NUP153: variants seen among roughly 807,000 people sequenced by gnomAD.
NUP153 encodes the protein nuclear pore complex protein Nup153.
A neutral mutation model predicts 134.6 loss-of-function variants in NUP153; 27 were observed. That is an observed-to-expected ratio of 0.20 (90% CI 0.15 to 0.28). The LOEUF (loss-of-function observed/expected upper bound fraction) is 0.28. Ranked by LOEUF, NUP153 falls within the 10% of genes least tolerant of loss-of-function variation. The probability of loss-of-function intolerance (pLI) is 1.00; values close to 1 mark genes in which losing one functional copy is unlikely to be tolerated. For missense variants in NUP153, 1,821 were observed against 1,731.3 expected (o/e 1.05, Z -0.92); for synonymous variants, 640 against 623.5 (o/e 1.03, Z -0.40).
intron 11 of NUP153, among the ~76,000 whole-genome samples, chr6:17,653,950 G>A (rs1177830068): frequency 1.3e-5 from 2 of 152,172 alleles, no homozygotes; most frequent in South Asian, 2.1e-4. Flanking sequence ...GTATGCTGAC[G>A]TATTTGGGGG....
Position 17,637,782 on chromosome 6 carries a change from G to C in NUP153, c.1847-12C>G. 1 of 1,583,654 alleles carries C rather than the reference G, an allele frequency of 6.3e-7. No homozygotes were observed. Among genetic ancestry groups the C allele is most frequent in the South Asian group, 1.1e-5 (1 of 89,292 alleles). On this transcript the variant is annotated splice_polypyrimidine_tract_variant and intron_variant, in intron 15 of 21. Coordinates refer to ENST00000262077, the MANE Select transcript of NUP153 (RefSeq NM_005124.4). Reference sequence around the variant, plus strand: ...CGGCGATGCGAAACCTACAATGAACGAAGGAGAGAGTGCAACGTTAGAGAA... The same window carrying C: ...CGGCGATGCGAAACCTACAATGAACCAAGGAGAGAGTGCAACGTTAGAGAA...
At chr6:17,689,974 C>A (rs1055897510) in intron 1 of NUP153, among the ~76,000 whole-genome samples, 3 of 152,108 alleles carry the variant, frequency 2.0e-5, no homozygotes, top group African/African-American at 7.2e-5. Context: ...ACTTTATGAA[C>A]TAATATCCCC....
At position 17,661,655 on chromosome 6, in the gene NUP153, C is replaced by A; in HGVS notation, c.1393G>T (p.Glu465Ter). 6.2e-7 allele frequency: 1 copy of A among 1,613,462 alleles called. No individual in the cohort carries two copies. The highest frequency in any genetic ancestry group is 1.1e-5 in the South Asian group (1 of 91,002). ...RFVASKPLEE[E>*]EMEVPVLPKI... ...AGTATATGAGTATACAACCCTACCT[C>A]CTCCTCCAGAGGTTTAGAAGCAACA... is the stretch of plus-strand genomic sequence containing the variant. Residue 465 changes from glutamate (E) to a stop codon, truncating the protein, a stop_gained and splice_region_variant, in exon 11 of 22, where the codon GAG becomes TAG. Transcript: ENST00000262077. LOFTEE classifies it high-confidence loss of function.
rs1462933333 is a variant in NUP153 at position 17,646,090 on chromosome 6, A to G, written c.1697T>C (p.Leu566Ser). 6.3e-7 allele frequency: 1 copy of G among 1,586,478 alleles called. No individual in the cohort carries two copies. The highest frequency in any genetic ancestry group is 1.3e-5 in the African/African-American group (1 of 74,446). Reference sequence around the variant, plus strand: ...ACCTGAACTACTTATAATTGGTTCTAAAGTACTACTAGAACCAGAAAGTTC... The same window carrying G: ...ACCTGAACTACTTATAATTGGTTCTGAAGTACTACTAGAACCAGAAAGTTC... ...TAELSGSSST[L>S]EPIISSSAHH... Residue 566 changes from leucine (L) to serine (S), a missense_variant, in exon 14 of 22, where the codon TTA becomes TCA. Transcript: ENST00000262077.
At chr6:17,630,703 G>T (rs192664001) in intron 17 of NUP153, among the ~76,000 whole-genome samples, 5 of 148,180 alleles carry the variant, frequency 3.4e-5, no homozygotes, top group African/African-American at 1.3e-4. Context: ...CAGAGGAGAC[G>T]GGAGACGAGA....
chr6:17,672,855 A>G (rs550823940), intron 5 of NUP153, among the ~76,000 whole-genome samples: 14 of 152,250 alleles, frequency 9.2e-5, no homozygotes, highest in African/African-American at 3.4e-4. Context: ...AATAAAATGA[A>G]CCTTGACCAA....
chr6:17,639,908 A>C, intron 15 of NUP153, 31 bp downstream of exon 15: 1 of 1,574,724 alleles, frequency 6.4e-7, no homozygotes, highest in South Asian at 1.2e-5. Flanking sequence ...ATGAGTTTGT[A>C]ATCAAAAGGC....
intron 20 of NUP153, among the ~76,000 whole-genome samples, chr6:17,618,525 C>T (rs1225762388): frequency 1.3e-5 from 2 of 150,236 alleles, no homozygotes; most frequent in African/African-American, 2.4e-5. Flanking sequence ...AAAAAGAATA[C>T]TTAGAAATTA....
chr6:17,616,290 G>GGGGGGGGGGCCC, intron 21 of NUP153, 109 bp from the exon 22 acceptor site: 2 of 473,870 alleles, frequency 4.2e-6, no homozygotes, highest in East Asian at 4.5e-5. Flanking sequence ...GGTGGGGGGG[G>GGGGGGGGGGCCC]AGTAGACTCA....
At position 17,624,442 on chromosome 6, in the gene NUP153, C is replaced by G. The variant is rs972763443; in HGVS notation, c.4174+119G>C. 10 of 948,226 alleles carry G rather than the reference C, an allele frequency of 1.1e-5. No homozygotes were observed. The Admixed American group carries it at 2.5e-4, about 24-fold the overall frequency. The allele number at this position is 948,226 out of a possible 1,614,324, so 58.7% of individuals were successfully genotyped here. On this transcript the variant is annotated intron_variant, in intron 20 of 21. Coordinates refer to ENST00000262077, the MANE Select transcript of NUP153 (RefSeq NM_005124.4). ...AATCCAACCATATTACCTCTCTATT[C>G]TGCCAAGTACAAGAGATAATTTTAA...
At position 17,632,846 on chromosome 6, in the gene NUP153, T is replaced by TGAAAAA; in HGVS notation, c.2465-3_2465-2insTTTTTC. ...TACTTGAAGCAGGTACTGAACTTCC[T>TGAAAAA]AAAAAAAAAAAAAAAAACGGGGAGT... On this transcript the variant is annotated splice_polypyrimidine_tract_variant and splice_region_variant and intron_variant, in intron 16 of 21. Coordinates refer to ENST00000262077, the MANE Select transcript of NUP153 (RefSeq NM_005124.4). The TGAAAAA allele has an allele frequency of 2.3e-6, 2 of 864,580 alleles. No homozygotes were observed. Among genetic ancestry groups the TGAAAAA allele is most frequent in the East Asian group, 3.4e-5 (1 of 29,302 alleles). 53.6% of individuals were successfully genotyped at this position (864,580 alleles called of 1,614,324 possible).
intron 2 of NUP153, among the ~76,000 whole-genome samples, chr6:17,685,302 C>CT (rs1279495090): frequency 6.6e-5 from 10 of 152,138 alleles, no homozygotes; most frequent in Non-Finnish European, 2.9e-5. Context: ...AATCCCAACA[C>CT]TTTGGGAGGC....
chr6:17,620,174 A>G (rs1764575960), intron 20 of NUP153, among the ~76,000 whole-genome samples: 1 of 151,874 alleles, frequency 6.6e-6, no homozygotes, highest in African/African-American at 2.4e-5. Context: ...CAGGAGTCCA[A>G]ATAGCTAAAG....
intron 2 of NUP153, among the ~76,000 whole-genome samples, chr6:17,678,354 A>C (rs1037056763): frequency 0.01 from 1,075 of 104,674 alleles, 2 homozygotes; most frequent in Middle Eastern, 0.02. Context: ...CTCTGTCTCA[A>C]AAAAAAAAAA....
intron 1 of NUP153, among the ~76,000 whole-genome samples, chr6:17,703,680 C>A (rs574786815): frequency 6.6e-6 from 1 of 150,958 alleles, no homozygotes; most frequent in Admixed American, 6.6e-5. Flanking sequence ...GGAGAGTATT[C>A]TTTTGAATAT....
intron 1 of NUP153, among the ~76,000 whole-genome samples, chr6:17,695,782 G>A (rs1286039324): frequency 1.3e-5 from 2 of 152,178 alleles, no homozygotes; most frequent in Non-Finnish European, 2.9e-5. Context: ...GGCCAAGGTG[G>A]GCGGATCATG....
In NUP153 at chr6:17,623,660, T is replaced by C. The variant is rs191946848; in HGVS notation, c.4174+901A>G. 1.1e-3 allele frequency among the ~76,000 whole-genome samples: 164 copies of C among 152,302 alleles called. 2 individuals are homozygous for C. Among genetic ancestry groups the C allele is most frequent in the African/African-American group, 3.6e-3 (151 of 41,562 alleles). On this transcript the variant is annotated intron_variant, in intron 20 of 21. Coordinates refer to ENST00000262077, the MANE Select transcript of NUP153 (RefSeq NM_005124.4). Reference sequence around the variant, plus strand: ...TATGTCAACAGTAAATAAACTGCAGTATATTCATACAATGATTTACTCTAT... The same window carrying C: ...TATGTCAACAGTAAATAAACTGCAGCATATTCATACAATGATTTACTCTAT...
chr6:17,623,466 TC>T (rs1419662041), intron 20 of NUP153, among the ~76,000 whole-genome samples: 17 of 150,990 alleles, frequency 1.1e-4, no homozygotes, highest in African/African-American at 4.1e-4. Context: ...ATTGGCAGAA[TC>T]CATCAGGAAA....
intron 13 of NUP153, among the ~76,000 whole-genome samples, chr6:17,647,174 A>G (rs1173409599): frequency 1.3e-5 from 2 of 152,196 alleles, no homozygotes; most frequent in African/African-American, 4.8e-5. Flanking sequence ...AGACAAGGAC[A>G]CAGTCAAAAC....
Sources: allele counts gnomAD v4.1 joint callset (sites outside exome capture counted in the v4.1 genomes callset), GRCh38; gene constraint gnomAD v4.1.1; transcripts MANE v1.5; gene names NCBI Gene and HGNC (gene_info 2026-07-23, HGNC 2026-07-21).